Variants in CDCP1 observed in about 807,000 individuals in gnomAD.
CDCP1 encodes the protein CUB domain containing protein 1.
CDCP1 carries 29 observed loss-of-function variants against 60.2 expected under a neutral mutation model. That is an observed-to-expected ratio of 0.48 (90% CI 0.36 to 0.66). CDCP1 has a LOEUF of 0.66. Ranked by LOEUF, CDCP1 falls within the 30% of genes least tolerant of loss-of-function variation. The pLI is 0.00. For synonymous variants in CDCP1, 387 were observed against 431.1 expected (o/e 0.90, Z 1.27); for missense variants, 876 against 1,074.3 (o/e 0.82, Z 2.58).
chr3:45,112,531 T>G lies in CDCP1; in HGVS notation c.293-86A>C, dbSNP rs1183530921. The G allele has an allele frequency of 3.9e-6, 6 of 1,536,410 alleles. No homozygotes were observed. In the Admixed American group the frequency reaches 1.1e-4, roughly 29 times the overall value. On this transcript the variant is annotated intron_variant, in intron 2 of 8. Transcript: ENST00000296129. ...TCCTCCACCACTCAGCCCCCTGTAG[T>G]AGACTCTTTGGGGCTCCCCCAAGGT...
intron 1 of CDCP1, among the ~76,000 whole-genome samples, chr3:45,124,998 T>C (rs1165281799): frequency 6.6e-6 from 1 of 152,174 alleles, no homozygotes; most frequent in Non-Finnish European, 1.5e-5. Context: ...AACTTCAAGG[T>C]ACTCTGAAGA....
chr3:45,119,501 T>C (rs1698847346), intron 1 of CDCP1, among the ~76,000 whole-genome samples: 1 of 152,186 alleles, frequency 6.6e-6, no homozygotes, highest in African/African-American at 2.4e-5. Context: ...GGGAAGATCG[T>C]CTGTAGGTAA....
At chr3:45,130,030 GAC>G (rs58587894) in intron 1 of CDCP1, among the ~76,000 whole-genome samples, 5 of 142,076 alleles carry the variant, frequency 3.5e-5, no homozygotes, top group Non-Finnish European at 4.5e-5. Context: ...TTGGTAACAA[GAC>G]ACACACACAC....
Position 45,082,693 on chromosome 3 carries a change from TTGAGACCTTTCCCTTC to T in CDCP1, c.*2929_*2944del, listed in dbSNP as rs1387461317. The T allele has an allele frequency of 6.6e-6, 1 of 152,244 alleles. No individual in the cohort carries two copies. The highest frequency in any genetic ancestry group is 2.4e-5 in the African/African-American group (1 of 41,446). The allele number at this position is 152,244 out of a possible 1,614,324, so 9.4% of individuals were successfully genotyped here. A position where few individuals can be genotyped will look rare whatever the true frequency, so the allele number is the denominator to read the frequency against. On this transcript the variant is annotated 3_prime_UTR_variant, in exon 9 of 9. Transcript: ENST00000296129. ...TGTGCTTGTTCCAGTTGACTCTTCC[TTGAGACCTTTCCCTTC>T]TGTGCAATGACCACAGCATTAGAGA...
In CDCP1 at chr3:45,091,332, G is replaced by A. The variant is rs777241158; in HGVS notation, c.1834C>T (p.Arg612Trp). Residue 612 changes from arginine to tryptophan, a missense_variant, in exon 7 of 9, where the codon CGG (arginine) becomes TGG (tryptophan). Physicochemically the swap from Arg to Trp is moderately radical, Grantham distance 101. Coordinates refer to ENST00000296129, the MANE Select transcript of CDCP1 (RefSeq NM_022842.5). This position sits in a 1 kb window ranked among gnomAD's most constrained non-coding sequence, Gnocchi z 4.8. ...CTGAAGATCTCCTCAGCCCGGGTCC[G>A]CTGCTCCTGGATGATCATGAATGCG... ...GRAFMIIQEQ[R>W]TRAEEIFSLD... is the part of the protein sequence containing the mutation. The A allele has an allele frequency of 2.4e-5, 38 of 1,614,016 alleles. No individual in the cohort carries two copies. Among genetic ancestry groups the A allele is most frequent in the African/African-American group, 6.7e-5 (5 of 74,918 alleles).
Position 45,095,448 on chromosome 3 carries a change from G to A in CDCP1, c.1145C>T (p.Thr382Ile). The change falls in exon 5 of 9, where the codon ACC (threonine) becomes ATC (isoleucine). Residue 382 changes from threonine (T) to isoleucine (I), a missense_variant. Around this residue, in one of 2 missense-constraint regions of CDCP1, gnomAD observed 726 missense variants for 935.7 expected, o/e 0.78. Transcript: ENST00000296129. ...PGCFVCLESR[T>I]CSSNLTLTSG... is the part of the protein sequence containing the mutation. ...TGTCAGGGTGAGGTTGCTACTGCAGGTCCGAGATTCTAGACACACGAAACA... is the reference window on the plus strand; with the variant it reads ...TGTCAGGGTGAGGTTGCTACTGCAGATCCGAGATTCTAGACACACGAAACA... 2 of 1,614,182 alleles carry A rather than the reference G, an allele frequency of 1.2e-6. No individual in the cohort carries two copies. The highest frequency in any genetic ancestry group is 1.3e-5 in the African/African-American group (1 of 75,054).
At chr3:45,094,731 T>C (rs1437968598) in intron 5 of CDCP1, among the ~76,000 whole-genome samples, 1 of 150,336 alleles carries the variant, frequency 6.7e-6, no homozygotes, top group African/African-American at 2.5e-5. Context: ...GGGATGGGGA[T>C]GGGAGAGGCT....
At chr3:45,092,218 A>G (rs925423348) in intron 6 of CDCP1, among the ~76,000 whole-genome samples, 7 of 152,232 alleles carry the variant, frequency 4.6e-5, no homozygotes, top group Non-Finnish European at 1.0e-4. Context: ...AAACAGGCAA[A>G]TAAAAACCAG....
Position 45,085,779 on chromosome 3 carries a change from A to G in CDCP1, c.2370T>C (p.Thr790=), listed in dbSNP as rs1335699275. The G allele has an allele frequency of 6.2e-7, 1 of 1,614,124 alleles. No individual in the cohort carries two copies. Among genetic ancestry groups the G allele is most frequent in the Non-Finnish European group, 8.5e-7 (1 of 1,180,008 alleles). The change falls in exon 9 of 9, where the codon ACT becomes ACC. Residue 790 remains threonine, a synonymous_variant. Coordinates refer to ENST00000296129, the MANE Select transcript of CDCP1 (RefSeq NM_022842.5). This position sits in a 1 kb window ranked among gnomAD's most constrained non-coding sequence, Gnocchi z 4.2. ...CSRAPTAKLA[T]EEPPPRSPPE... ...GAGGGGAGCGAGGAGGTGGCTCCTC[A>G]GTGGCCAACTTTGCAGTTGGGGCCC...
intron 4 of CDCP1, among the ~76,000 whole-genome samples, chr3:45,108,953 A>ATATATTTTTTTTTTTTTT (rs1401302861): frequency 4.9e-5 from 2 of 41,134 alleles, no homozygotes; most frequent in African/African-American, 9.7e-5. Flanking sequence ...ATATATATAT[A>ATATATTTTTTTTTTTTTT]TTTTTTTTTT....
intron 1 of CDCP1, among the ~76,000 whole-genome samples, chr3:45,126,907 A>T (rs1488178991): frequency 2.0e-5 from 3 of 152,258 alleles, no homozygotes; most frequent in African/African-American, 7.2e-5. Flanking sequence ...ACCCAGGCAT[A>T]TATGATTAAT....
intron 4 of CDCP1, among the ~76,000 whole-genome samples, chr3:45,104,550 G>A (rs1698530454): frequency 6.6e-6 from 1 of 152,196 alleles, no homozygotes; most frequent in African/African-American, 2.4e-5. Context: ...TCTTTACTCA[G>A]TGAGGTCTGT....
At chr3:45,131,743 C>A (rs911909707) in intron 1 of CDCP1, among the ~76,000 whole-genome samples, 5 of 152,122 alleles carry the variant, frequency 3.3e-5, no homozygotes, top group African/African-American at 1.2e-4. Context: ...CTAGAAAACT[C>A]AAAAGATGGC....
intron 1 of CDCP1, among the ~76,000 whole-genome samples, chr3:45,134,202 G>A (rs1356835342): frequency 1.3e-5 from 2 of 151,016 alleles, no homozygotes; most frequent in Non-Finnish European, 2.9e-5. Context: ...TATGCTCACT[G>A]CAAGCTCCGC....
At chr3:45,136,527 C>T (rs1699194157) in intron 1 of CDCP1, among the ~76,000 whole-genome samples, 1 of 152,174 alleles carries the variant, frequency 6.6e-6, no homozygotes, top group African/African-American at 2.4e-5. Context: ...TAGGCCTGCT[C>T]AGTGCTAGGC....
rs776485141 is a variant in CDCP1, at chr3:45,112,083, G to A, written c.655C>T (p.Arg219Cys). The change falls in exon 3 of 9, where the codon CGT becomes TGT. Residue 219 changes from arginine (R) to cysteine (C), a missense_variant and splice_region_variant. By Grantham distance (180) the Arg-to-Cys change is radical. Around this residue, in one of 2 missense-constraint regions of CDCP1, gnomAD observed 726 missense variants for 935.7 expected, o/e 0.78. Transcript: ENST00000296129. ...AGATAGCAGGGAGGGGCTTTCTCACGTTTTATAGATGAGCGGTTTGCAATG... is the reference window on the plus strand; with the variant it reads ...AGATAGCAGGGAGGGGCTTTCTCACATTTTATAGATGAGCGGTTTGCAATG... ...FSIANRSSIK[R>C]LCIIESVFEG... is the part of the protein sequence containing the mutation. 137 of 1,611,410 alleles carry A rather than the reference G, an allele frequency of 8.5e-5. No homozygotes were observed. Among genetic ancestry groups the A allele is most frequent in the Non-Finnish European group, 1.1e-4 (135 of 1,178,236 alleles).
In CDCP1 at chr3:45,083,986, C is replaced by T. The variant is rs1280305667; in HGVS notation, c.*1652G>A. The T allele has an allele frequency of 6.6e-6, 1 of 151,902 alleles. No individual in the cohort carries two copies. Among genetic ancestry groups the T allele is most frequent in the Non-Finnish European group, 1.5e-5 (1 of 67,964 alleles). The allele number at this position is 151,902 out of a possible 1,614,324, so 9.4% of individuals were successfully genotyped here. On this transcript the variant is annotated 3_prime_UTR_variant, in exon 9 of 9. Transcript: ENST00000296129. ...GAGCACACATTGGTCTCATGGTCTA[C>T]TCACCTGATTAGAGATTAATCCCAG...
Position 45,112,331 on chromosome 3 carries a change from C to T in CDCP1, c.407G>A (p.Gly136Asp). Reference protein sequence around the residue: ...IWDVKAHKSIGLELQFSIPRL... With the variant: ...IWDVKAHKSIDLELQFSIPRL... ...AGGGATGGAAAACTGCAGCTCTAAA[C>T]CGATGCTCTTATGAGCTTTGACATC... The change falls in exon 3 of 9, where the codon GGT becomes GAT. Residue 136 changes from glycine to aspartate, a missense_variant. By Grantham distance (94) the Gly-to-Asp change is moderately conservative. Coordinates refer to ENST00000296129, the MANE Select transcript of CDCP1 (RefSeq NM_022842.5). 3 of 1,614,250 alleles carry T rather than the reference C, an allele frequency of 1.9e-6. No homozygotes were observed. The highest frequency in any genetic ancestry group is 2.5e-6 in the Non-Finnish European group (3 of 1,180,044).
At chr3:45,110,400 C>T in intron 4 of CDCP1, 73 bp downstream of exon 4, 1 of 1,559,222 alleles carries the variant, frequency 6.4e-7, no homozygotes, top group Non-Finnish European at 8.7e-7. Flanking sequence ...AAGGGAGCCT[C>T]ACCCAGGCAG....
Sources: allele counts gnomAD v4.1 joint callset (sites outside exome capture counted in the v4.1 genomes callset), GRCh38; gene constraint gnomAD v4.1.1; regional missense constraint gnomAD v4.1.1; non-coding constraint Gnocchi (gnomAD v3.1); transcripts MANE v1.5; gene names NCBI Gene and HGNC (gene_info 2026-07-23, HGNC 2026-07-21).